Variants in RANBP2 observed in about 807,000 individuals in gnomAD.
RANBP2 encodes RAN binding protein 2.
A neutral mutation model predicts 303.6 loss-of-function variants in RANBP2; 57 were observed. The ratio of observed to expected loss-of-function variants is 0.19; its 90% CI spans 0.15 to 0.23. The LOEUF is 0.23. Ranked by LOEUF, RANBP2 falls within the 10% of genes least tolerant of loss-of-function variation. RANBP2 has a pLI of 1.00. For synonymous variants in RANBP2, 1,167 were observed against 1,301.5 expected (o/e 0.90, Z 2.23); for missense variants, 3,138 against 3,780.8 (o/e 0.83, Z 4.46).
chr2:109,729,763 C>A, the RANBP2 span, among the ~76,000 whole-genome samples: 1 of 152,074 alleles, frequency 6.6e-6, no homozygotes, highest in Non-Finnish European at 1.5e-5. Context: ...AAGTGCAGTG[C>A]GGTGGTATAT....
the RANBP2 span, among the ~76,000 whole-genome samples, chr2:109,609,293 T>C: frequency 1.3e-5 from 2 of 152,146 alleles, no homozygotes; most frequent in Admixed American, 6.6e-5. Flanking sequence ...AAAAAAATAA[T>C]GCCTGTCCTC....
At chr2:108,839,293 G>A in the RANBP2 span, 1 of 1,609,486 alleles carries the variant, frequency 6.2e-7, no homozygotes, top group Non-Finnish European at 8.5e-7. Context: ...GCTAGATGCT[G>A]GAGCACAGGT....
the RANBP2 span, among the ~76,000 whole-genome samples, chr2:109,694,707 A>G: frequency 3.9e-5 from 6 of 151,916 alleles, no homozygotes; most frequent in African/African-American, 7.3e-5. Context: ...TTTCAGCATC[A>G]TGTTGGCATT....
chr2:109,685,269 T>C, the RANBP2 span, among the ~76,000 whole-genome samples: 2 of 152,198 alleles, frequency 1.3e-5, no homozygotes, highest in African/African-American at 2.4e-5. Flanking sequence ...GAACAAACAA[T>C]GTCACAATGA....
chr2:109,545,080 C>T, the RANBP2 span: 23 of 985,392 alleles, frequency 2.3e-5, no homozygotes, highest in South Asian at 1.0e-3. Flanking sequence ...TTGCAATATT[C>T]TGAAAATGGG....
At chr2:108,722,919 A>G (rs1236029349) in intron 1 of RANBP2, among the ~76,000 whole-genome samples, 3 of 152,060 alleles carry the variant, frequency 2.0e-5, no homozygotes, top group African/African-American at 7.2e-5. Flanking sequence ...AAAAAAATAT[A>G]ATTCTTTCTC....
intron 23 of RANBP2, among the ~76,000 whole-genome samples, chr2:108,773,972 G>A (rs1254426352): frequency 6.6e-6 from 1 of 152,152 alleles, no homozygotes; most frequent in Admixed American, 6.5e-5. Flanking sequence ...ATGTACACAA[G>A]TGAATTCTAA....
chr2:109,129,132 C>A, the RANBP2 span: 2 of 363,292 alleles, frequency 5.5e-6, no homozygotes, highest in Non-Finnish European at 1.1e-5. Flanking sequence ...GCCCCGGCCT[C>A]CCCGGGGACC....
At position 108,763,773 on chromosome 2, in the gene RANBP2, A is replaced by G. The variant is rs766450374; in HGVS notation, c.3234A>G (p.Gly1078=). Reference sequence around the variant, plus strand: ...TGACTTCAGATAAACCCTTGCAAGGAGATGGCTATAGTGGAGCCAAACCAA... The same window carrying G: ...TGACTTCAGATAAACCCTTGCAAGGGGATGGCTATAGTGGAGCCAAACCAA... ...GLLTSDKPLQ[G]DGYSGAKPIP... Residue 1078 remains glycine (G), a synonymous_variant, in exon 20 of 29, where the codon GGA becomes GGG. Transcript: ENST00000283195. 1.4e-5 allele frequency: 22 copies of G among 1,614,014 alleles called. No homozygotes were observed. The highest frequency in any genetic ancestry group is 1.9e-5 in the Non-Finnish European group (22 of 1,179,984).
chr2:108,816,600 C>T, the RANBP2 span, among the ~76,000 whole-genome samples: 6 of 152,108 alleles, frequency 3.9e-5, no homozygotes, highest in Non-Finnish European at 7.4e-5. Context: ...TATAAAGCCA[C>T]CAGTCCAGTT....
the RANBP2 span, among the ~76,000 whole-genome samples, chr2:109,167,309 A>G: frequency 6.6e-6 from 1 of 152,206 alleles, no homozygotes; most frequent in African/African-American, 2.4e-5. Context: ...GGTAGAACCA[A>G]TTAGAACAAG....
chr2:109,385,018 C>T, the RANBP2 span, among the ~76,000 whole-genome samples: 3 of 152,258 alleles, frequency 2.0e-5, no homozygotes, highest in Non-Finnish European at 4.4e-5. Context: ...CCCAGCCTCA[C>T]ACCCTCCCTG....
chr2:108,953,055 TA>T, the RANBP2 span, among the ~76,000 whole-genome samples: 1,366 of 152,346 alleles, frequency 9.0e-3, 16 homozygotes, highest in African/African-American at 0.031. Flanking sequence ...GATATTTTGA[TA>T]TAGGCATGCA....
At chr2:109,199,608 G>GAACCC in the RANBP2 span, among the ~76,000 whole-genome samples, 1 of 234 alleles carries the variant, frequency 4.3e-3, no homozygotes, top group Non-Finnish European at 8.9e-3. Flanking sequence ...GGAATGGAAT[G>GAACCC]GAATGGAATG....
the RANBP2 span, among the ~76,000 whole-genome samples, chr2:109,049,846 C>T: frequency 2.6e-5 from 4 of 152,130 alleles, no homozygotes; most frequent in African/African-American, 9.7e-5. Context: ...TTTTCCCGTT[C>T]GGGGCTATTC....
At chr2:108,811,247 C>CTTTTTTTTT in the RANBP2 span, among the ~76,000 whole-genome samples, 17 of 113,870 alleles carry the variant, frequency 1.5e-4, no homozygotes, top group African/African-American at 6.5e-4. Context: ...TTCTCTCTCT[C>CTTTTTTTTT]TTTTTTTTTT....
the RANBP2 span, among the ~76,000 whole-genome samples, chr2:109,478,128 G>A: frequency 1.3e-5 from 2 of 152,244 alleles, no homozygotes; most frequent in Non-Finnish European, 2.9e-5. Flanking sequence ...AGCCGGAGAG[G>A]AGCTGCCTGA....
At chr2:109,053,575 T>TGGGAGAC in the RANBP2 span, among the ~76,000 whole-genome samples, 1 of 152,198 alleles carries the variant, frequency 6.6e-6, no homozygotes, top group African/African-American at 2.4e-5. Context: ...TCTCGAGCCT[T>TGGGAGAC]GGGAGACTGG....
At chr2:109,282,351 C>A in the RANBP2 span, among the ~76,000 whole-genome samples, 1 of 152,098 alleles carries the variant, frequency 6.6e-6, no homozygotes. Flanking sequence ...AAAAAATCTA[C>A]CCCAGGGGAA....
Sources: allele counts gnomAD v4.1 joint callset (sites outside exome capture counted in the v4.1 genomes callset), GRCh38; gene constraint gnomAD v4.1.1; transcripts MANE v1.5; gene names NCBI Gene and HGNC (gene_info 2026-07-23, HGNC 2026-07-21).